Variants in SPTLC1 observed in about 807,000 individuals in gnomAD.
SPTLC1 encodes serine palmitoyltransferase long chain base subunit 1.
Under a neutral mutation model 68.9 loss-of-function variants are expected in SPTLC1, and 55 were observed. The observed-to-expected ratio is 0.80, with a 90% confidence interval of 0.64 to 1.00. SPTLC1 has a LOEUF of 1.00. Ranked by LOEUF, SPTLC1 falls within the 50% of genes least tolerant of loss-of-function variation. SPTLC1 has a pLI of 0.00. For synonymous variants in SPTLC1, 197 were observed against 201.6 expected (o/e 0.98, Z 0.19); for missense variants, 449 against 573.1 (o/e 0.78, Z 2.21).
Position 92,112,484 on chromosome 9 carries a change from A to C in SPTLC1, c.136T>G (p.Leu46Val), listed in dbSNP as rs1200034353. The C allele has an allele frequency of 3.1e-6, 5 of 1,609,990 alleles. No homozygotes were observed. The highest frequency in any genetic ancestry group is 3.4e-6 in the Non-Finnish European group (4 of 1,177,936). Residue 46 changes from leucine to valine, a missense_variant, in exon 2 of 15, where the codon TTA (leucine) becomes GTA (valine). Coordinates refer to ENST00000262554, the MANE Select transcript of SPTLC1 (RefSeq NM_006415.4). ...ACTGTAAGATCAGATCGTTCTTGTA[A>C]TTTGTAAGTCTTAGAGAAAAGAAGT... ...IRLLFSKTYK[L>V]QERSDLTVKE... is the part of the protein sequence containing the mutation.
At chr9:92,051,430 A>G (rs1202955060) in intron 8 of SPTLC1, 2 of 180,652 alleles carry the variant, frequency 1.1e-5, no homozygotes, top group Admixed American at 6.5e-5. Context: ...ACAACCTCTC[A>G]TGATAAAACA....
chr9:92,111,686 A>T (rs2118837174), intron 2 of SPTLC1: 1 of 152,340 alleles, frequency 6.6e-6, no homozygotes, highest in South Asian at 2.1e-4. Flanking sequence ...AAAATCACTT[A>T]TCACTCATTC....
At position 92,034,889 on chromosome 9, in the gene SPTLC1, G is replaced by A. The variant is rs1279258320; in HGVS notation, c.1255-6C>T. 2.0e-5 allele frequency: 33 copies of A among 1,612,876 alleles called. No individual in the cohort carries two copies. The highest frequency in any genetic ancestry group is 2.7e-5 in the Non-Finnish European group (32 of 1,179,736). On this transcript the variant is annotated splice_polypyrimidine_tract_variant and splice_region_variant and intron_variant, in intron 13 of 14. Transcript: ENST00000262554. ...GCAATACTTCTGTTCATGCACTGTA[G>A]GAAGAAAAAGAAGACATCTGCAACC...
At position 92,038,276 on chromosome 9, in the gene SPTLC1, A is replaced by C. The variant is rs1293065103; in HGVS notation, c.1226T>G (p.Val409Gly). ...ATCTACAATTTCCTGAAGCAGTCTG[A>C]CATCTTGCTCGCGAGACCCAGTGCT... ...EESTGSREQD[V>G]RLLQEIVDQC... is the part of the protein sequence containing the mutation. The change falls in exon 13 of 15, where the codon GTC becomes GGC. Residue 409 changes from valine to glycine, a missense_variant. Coordinates refer to ENST00000262554, the MANE Select transcript of SPTLC1 (RefSeq NM_006415.4). 2 of 1,613,900 alleles carry C rather than the reference A, an allele frequency of 1.2e-6. No individual in the cohort carries two copies. Among genetic ancestry groups the C allele is most frequent in the South Asian group, 2.2e-5 (2 of 91,078 alleles).
At chr9:92,103,036 T>C (rs1361682882) in intron 3 of SPTLC1, among the ~76,000 whole-genome samples, 1 of 152,246 alleles carries the variant, frequency 6.6e-6, no homozygotes, top group Non-Finnish European at 1.5e-5. Context: ...TAATCCAATA[T>C]ATTGATCTAC....
intron 11 of SPTLC1, 108 bp downstream of exon 11, chr9:92,047,064 C>A: frequency 1.0e-6 from 1 of 967,256 alleles, no homozygotes; most frequent in Non-Finnish European, 1.7e-6. Flanking sequence ...TATAATGTAA[C>A]TGCAAACCAG....
intron 3 of SPTLC1, among the ~76,000 whole-genome samples, chr9:92,085,052 A>C (rs1446935600): frequency 4.6e-5 from 7 of 151,142 alleles, no homozygotes; most frequent in Admixed American, 4.6e-4. Flanking sequence ...GTATTCTCTG[A>C]TGGTAGTTTG....
rs1834354782 is a variant in SPTLC1 at position 92,068,043 on chromosome 9, G to A, written c.483C>T (p.Ala161=). 6.2e-7 allele frequency: 1 copy of A among 1,613,934 alleles called. No individual in the cohort carries two copies. The highest frequency in any genetic ancestry group is 8.5e-7 in the Non-Finnish European group (1 of 1,179,922). The change falls in exon 6 of 15, where the codon GCC becomes GCT. Residue 161 remains alanine (A), a synonymous_variant. Transcript: ENST00000262554. ...RLAKFMKTEE[A]IIYSYGFATI... is the part of the protein sequence containing the mutation. ...TGGCAAATCCATATGAGTATATAAT[G>A]GCTTCTTCTGTCTTCATAAATTTTG...
chr9:92,080,867 C>CA lies in SPTLC1; in HGVS notation c.354+2dup. The CA allele has an allele frequency of 6.2e-7, 1 of 1,605,372 alleles. No homozygotes were observed. Among genetic ancestry groups the CA allele is most frequent in the Non-Finnish European group, 8.5e-7 (1 of 1,172,862 alleles). ...GTCCACTTCAGCAATATGTGCTACT[C>CA]ACCTTAACCCTAGGGTTATCCAACA... On this transcript the variant is annotated splice_region_variant and intron_variant, in intron 4 of 14. Transcript: ENST00000262554.
chr9:92,082,749 A>C (rs1306622494), intron 3 of SPTLC1, among the ~76,000 whole-genome samples: 2 of 151,984 alleles, frequency 1.3e-5, no homozygotes, highest in Admixed American at 6.6e-5. Flanking sequence ...ATTTGGGTAT[A>C]TACCCAGTAA....
At chr9:92,105,435 G>A in intron 3 of SPTLC1, 1 of 1,402,698 alleles carries the variant, frequency 7.1e-7, no homozygotes, top group Non-Finnish European at 9.7e-7. Flanking sequence ...GGCAGGCGTG[G>A]TGGCCCACGC....
At chr9:92,071,876 C>G (rs1834505783) in intron 5 of SPTLC1, among the ~76,000 whole-genome samples, 1 of 152,194 alleles carries the variant, frequency 6.6e-6, no homozygotes, top group Non-Finnish European at 1.5e-5. Context: ...GATCAATCAA[C>G]CTCATGACAC....
intron 3 of SPTLC1, among the ~76,000 whole-genome samples, chr9:92,094,290 C>T (rs190091560): frequency 2.0e-5 from 3 of 152,172 alleles, no homozygotes; most frequent in Admixed American, 6.5e-5. Flanking sequence ...TGTATTTTAT[C>T]CATCACTAAG....
Position 92,032,529 on chromosome 9 carries a change from G to A in SPTLC1, c.1358C>T (p.Thr453Ile), listed in dbSNP as rs576723834. The A allele has an allele frequency of 3.1e-6, 5 of 1,614,160 alleles. No individual in the cohort carries two copies. The East Asian group carries it at 1.1e-4, about 36-fold the overall frequency. Residue 453 changes from threonine (T) to isoleucine (I), a missense_variant, in exon 15 of 15, where the codon ACA becomes ATA. Thr to Ile is a moderately conservative substitution (Grantham distance 89). Coordinates refer to ENST00000262554, the MANE Select transcript of SPTLC1 (RefSeq NM_006415.4). ...CGCAGCTCTCTCCAGTTCTTCCTCT[G>A]TTTGTTCCACCGTGACCACAACCCG... ...SIRVVVTVEQTEEELERAAST... is the reference protein window; with the variant it reads ...SIRVVVTVEQIEEELERAAST...
At chr9:92,035,505 A>G (rs908644932) in intron 13 of SPTLC1, among the ~76,000 whole-genome samples, 33 of 152,226 alleles carry the variant, frequency 2.2e-4, no homozygotes, top group African/African-American at 7.2e-4. Context: ...AAGAAAGCAC[A>G]AACACCAGAG....
At chr9:92,079,783 A>G (rs1401542232) in intron 5 of SPTLC1, 5 of 647,798 alleles carry the variant, frequency 7.7e-6, no homozygotes, top group Non-Finnish European at 1.4e-5. Flanking sequence ...TGCAATCCCC[A>G]CACATGCACA....
intron 3 of SPTLC1, among the ~76,000 whole-genome samples, chr9:92,097,304 C>T (rs746022590): frequency 5.9e-5 from 9 of 152,198 alleles, no homozygotes; most frequent in East Asian, 1.9e-4. Flanking sequence ...CACAGCAATC[C>T]TACTCCTAGG....
rs192086607 is a variant in SPTLC1, at chr9:92,081,614, C to A, written c.261-651G>T. On this transcript the variant is annotated intron_variant, in intron 3 of 14. Transcript: ENST00000262554. ...AGCCCTCTGCTGATCTATATTCGAG[C>A]CATGAGCCATGTTTCAAAATCATGG... Among the ~76,000 whole-genome samples, 37 of 152,260 alleles carry A rather than the reference C, an allele frequency of 2.4e-4. No homozygotes were observed. The East Asian group carries it at 6.6e-3, about 27-fold the overall frequency.
intron 6 of SPTLC1, 111 bp from the exon 7 acceptor site, chr9:92,059,419 T>C (rs867925957): frequency 1.4e-4 from 151 of 1,103,326 alleles, no homozygotes; most frequent in South Asian, 4.3e-4. Flanking sequence ...AACATGAGCA[T>C]AGCAAATAAA....
Sources: gnomAD v4.1 joint callset for allele counts (sites outside exome capture counted in the v4.1 genomes callset) on GRCh38, gnomAD v4.1.1 for gene constraint, MANE v1.5 for transcripts, NCBI Gene and HGNC (gene_info 2026-07-23, HGNC 2026-07-21) for gene names.